Variants in MPP3 observed in about 807,000 individuals in gnomAD.
The protein encoded by MPP3 is MAGUK p55 subfamily member 3.
A neutral mutation model predicts 80.7 loss-of-function variants in MPP3; 48 were observed. The observed-to-expected ratio is 0.59, with a 90% CI of 0.47 to 0.76. MPP3 has a LOEUF of 0.76. Among genes scored for constraint, MPP3 ranks in the 30% least tolerant of loss-of-function variants. The pLI is 0.00. For synonymous variants in MPP3, 311 were observed against 297.6 expected (o/e 1.04, Z -0.46); for missense variants, 620 against 763.0 (o/e 0.81, Z 2.21).
At position 43,806,250 on chromosome 17, in the gene MPP3, C is replaced by G. The variant is rs150069786; in HGVS notation, c.1581+2706G>C. 8.8e-4 allele frequency among the ~76,000 whole-genome samples: 134 copies of G among 152,330 alleles called. 1 individual carries two copies. The highest frequency in any genetic ancestry group is 3.1e-3 in the African/African-American group (129 of 41,580). ...GTGCAATCTCAGCTCACTGAAAACT[C>G]TGCCTCCCAGGTTCAAGTGATTTTC... is the stretch of plus-strand genomic sequence containing the variant. On this transcript the variant is annotated intron_variant, in intron 19 of 19. Coordinates refer to ENST00000398389, the MANE Select transcript of MPP3 (RefSeq NM_001932.6).
intron 14 of MPP3, 82 bp from the exon 15 acceptor site, chr17:43,814,443 C>A: frequency 6.9e-7 from 1 of 1,439,340 alleles, no homozygotes; most frequent in South Asian, 1.4e-5. Context: ...TCCCACCTGG[C>A]CAGACCTGGA....
In MPP3 at chr17:43,809,041, T is replaced by C. The variant is rs773965295; in HGVS notation, c.1496A>G (p.Tyr499Cys). 1.5e-5 allele frequency: 24 copies of C among 1,605,382 alleles called. No individual in the cohort carries two copies. Among genetic ancestry groups the C allele is most frequent in the South Asian group, 2.3e-5 (2 of 88,790 alleles). Residue 499 changes from tyrosine to cysteine, a missense_variant, in exon 19 of 20, where the codon TAT becomes TGT. Coordinates refer to ENST00000398389, the MANE Select transcript of MPP3 (RefSeq NM_001932.6). ...KQLRTSEFKP[Y>C]IIFVKPAIQE... ...AATTGCAGGCTTTACAAATATAATATAGGGTTTAAATTCTGAGGTCCTCAG... is the reference window on the plus strand; with the variant it reads ...AATTGCAGGCTTTACAAATATAATACAGGGTTTAAATTCTGAGGTCCTCAG...
intron 5 of MPP3, among the ~76,000 whole-genome samples, chr17:43,830,684 C>T (rs182355240): frequency 1.3e-5 from 2 of 152,322 alleles, no homozygotes. Context: ...AAGCTGCACT[C>T]ATCCCTCCCC....
Position 43,811,305 on chromosome 17 carries a change from G to A in MPP3, c.1256-100C>T, listed in dbSNP as rs2044847091. 3.4e-6 allele frequency: 3 copies of A among 885,048 alleles called. No individual in the cohort carries two copies. In the African/African-American group the frequency reaches 4.9e-5, roughly 14 times the overall value. The allele number at this position is 885,048 out of a possible 1,614,324, so 54.8% of individuals were successfully genotyped here. A position where few individuals can be genotyped will look rare whatever the true frequency, so the allele number is the denominator to read the frequency against. On this transcript the variant is annotated intron_variant, in intron 16 of 19. Transcript: ENST00000398389. Reference sequence around the variant, plus strand: ...ACTCATTTGGGAGTTCACTGCTGCTGTGTCTAAACCAGGCACTTCCACCTC... The same window carrying A: ...ACTCATTTGGGAGTTCACTGCTGCTATGTCTAAACCAGGCACTTCCACCTC...
At chr17:43,820,605 T>TACACAC (rs61249899) in intron 11 of MPP3, among the ~76,000 whole-genome samples, 293 of 125,284 alleles carry the variant, frequency 2.3e-3, no homozygotes, top group African/African-American at 7.4e-3. Context: ...AAAAAAAAAA[T>TACACAC]ACACACACAC....
At chr17:43,829,839 G>A in intron 6 of MPP3, 48 bp from the exon 7 acceptor site, 1 of 1,611,782 alleles carries the variant, frequency 6.2e-7, no homozygotes, top group Non-Finnish European at 8.5e-7. Context: ...CGCTCACAGG[G>A]TCAGCAGGCC....
Position 43,818,058 on chromosome 17 carries a change from T to C in MPP3, c.934A>G (p.Arg312Gly), listed in dbSNP as rs1413459988. 1 of 1,584,308 alleles carries C rather than the reference T, an allele frequency of 6.3e-7. No homozygotes were observed. Among genetic ancestry groups the C allele is most frequent in the South Asian group, 1.2e-5 (1 of 86,918 alleles). The part of the protein sequence containing the change: ...AGTLPSPQSL[R>G]KPPYDQPCDK... ...ACAATCTACTCACAGGGGGGCTTCC[T>C]GAGGCTCTGGGGGCTCGGCAGGGTG... Residue 312 changes from arginine to glycine, a missense_variant, in exon 12 of 20, where the codon AGG (arginine) becomes GGG (glycine). Transcript: ENST00000398389.
Position 43,815,876 on chromosome 17 carries a change from T to A in MPP3, c.1009+162A>T, listed in dbSNP as rs931670752. 8.2e-6 allele frequency: 6 copies of A among 730,050 alleles called. No homozygotes were observed. The Admixed American group carries it at 1.1e-4, about 13-fold the overall frequency. The allele number at this position is 730,050 out of a possible 1,614,324, so 45.2% of individuals were successfully genotyped here. A position where few individuals can be genotyped will look rare whatever the true frequency, so the allele number is the denominator to read the frequency against. On this transcript the variant is annotated intron_variant, in intron 14 of 19. Transcript: ENST00000398389. ...GGCCCAATGCCTGGGCAGGCTCAGC[T>A]CCTGCTTGGGTTGAGAGAACTGAGG...
chr17:43,809,065 A>G lies in MPP3; in HGVS notation c.1472T>C (p.Leu491Pro), dbSNP rs2044736072. 1 of 1,587,108 alleles carries G rather than the reference A, an allele frequency of 6.3e-7. No individual in the cohort carries two copies. Among genetic ancestry groups the G allele is most frequent in the Non-Finnish European group, 8.5e-7 (1 of 1,173,456 alleles). The change falls in exon 19 of 20, where the codon CTG becomes CCG. Residue 491 changes from leucine (L) to proline (P), a missense_variant. Physicochemically the swap from Leu to Pro is moderately conservative, Grantham distance 98 (BLOSUM62 -3). Coordinates refer to ENST00000398389, the MANE Select transcript of MPP3 (RefSeq NM_001932.6). ...VDVEPEALKQ[L>P]RTSEFKPYII... The stretch of plus-strand genomic sequence containing the variant: ...ATAGGGTTTAAATTCTGAGGTCCTC[A>G]GTTGTTTCAGTGCCTGAGAAAGAAA...
chr17:43,802,038 GACA>G (rs762103069), intron 19 of MPP3, among the ~76,000 whole-genome samples, 161 bp from the exon 20 acceptor site: 15 of 152,294 alleles, frequency 9.8e-5, no homozygotes, highest in African/African-American at 3.1e-4. Context: ...AGAGCATAGG[GACA>G]ACATCATGTC....
rs1412573973 is a variant in MPP3, at chr17:43,810,848, T to C, written c.1417A>G (p.Met473Val). 6.2e-7 allele frequency: 1 copy of C among 1,611,880 alleles called. No homozygotes were observed. The highest frequency in any genetic ancestry group is 8.5e-7 in the Non-Finnish European group (1 of 1,179,430). The part of the protein sequence containing the change: ...GTSLEAIQAV[M>V]AKNKVCLVDV... ...ACCAAACAAACTTTGTTTTTGGCCA[T>C]AACAGCCTGAATGGCCTCCAGGCTG... Residue 473 changes from methionine to valine, a missense_variant, in exon 18 of 20, where the codon ATG becomes GTG. Physicochemically the swap from Met to Val is conservative, Grantham distance 21 (BLOSUM62 1). Coordinates refer to ENST00000398389, the MANE Select transcript of MPP3 (RefSeq NM_001932.6).
rs2045634673 is a variant in MPP3, at chr17:43,825,078, AG to A, written c.609+677del. On this transcript the variant is annotated intron_variant, in intron 9 of 19. Transcript: ENST00000398389. ...GTGAACTACTGAGCCCAGCCCAGAG[AG>A]GGCTTTAAACAGTGGGCCTCCTCTT... is the stretch of plus-strand genomic sequence containing the variant. The A allele has an allele frequency of 2.0e-5, 3 of 152,410 alleles. 1 individual carries two copies. The South Asian group carries it at 6.2e-4, about 32-fold the overall frequency. The allele number at this position is 152,410 out of a possible 1,614,324, so 9.4% of individuals were successfully genotyped here.
At chr17:43,818,141 G>T in intron 11 of MPP3, 31 bp from the exon 12 acceptor site, 1 of 1,467,438 alleles carries the variant, frequency 6.8e-7, no homozygotes, top group Non-Finnish European at 9.1e-7. Flanking sequence ...GGGCGGGCCC[G>T]TGAGCTGGGC....
chr17:43,827,669 G>C (rs1231842870), intron 8 of MPP3, 82 bp downstream of exon 8: 2 of 1,340,140 alleles, frequency 1.5e-6, no homozygotes, highest in African/African-American at 2.9e-5. Context: ...AGGGAGGTAA[G>C]GGGACCTATT....
In MPP3 at chr17:43,801,051, A is replaced by G. The variant is rs1396171254; in HGVS notation, c.*650T>C. On this transcript the variant is annotated 3_prime_UTR_variant, in exon 20 of 20. Transcript: ENST00000398389. ...GAATCTGAGGGTATTTAGAAAGGGG[A>G]AAGGCAACCTTACATTCCTCGAGTC... 6.6e-6 allele frequency: 1 copy of G among 152,264 alleles called. No individual in the cohort carries two copies. The highest frequency in any genetic ancestry group is 1.5e-5 in the Non-Finnish European group (1 of 68,094). The allele number at this position is 152,264 out of a possible 1,614,324, so 9.4% of individuals were successfully genotyped here.
In MPP3 at chr17:43,831,268, G is replaced by A. The variant is rs2045945584; in HGVS notation, c.198C>T (p.His66=). The A allele has an allele frequency of 6.2e-7, 1 of 1,614,098 alleles. No homozygotes were observed. The highest frequency in any genetic ancestry group is 8.5e-7 in the Non-Finnish European group (1 of 1,180,030). ...YERQSPTPVL[H]SAVALAEDVM... ...CGTCCTCAGCGAGGGCCACAGCGCT[G>A]TGCAGAACTGGGGTTGGACTTTGCC... The change falls in exon 5 of 20, where the codon CAC becomes CAT. Residue 66 remains histidine, a synonymous_variant. Coordinates refer to ENST00000398389, the MANE Select transcript of MPP3 (RefSeq NM_001932.6).
intron 12 of MPP3, among the ~76,000 whole-genome samples, chr17:43,817,626 G>A (rs2045209718): frequency 6.6e-6 from 1 of 152,172 alleles, no homozygotes; most frequent in Non-Finnish European, 1.5e-5. Context: ...TATTTGCCCA[G>A]TCTGGCAATC....
At chr17:43,821,452 G>A (rs79800279) in intron 10 of MPP3, among the ~76,000 whole-genome samples, 6,802 of 152,272 alleles carry the variant, frequency 0.045, 478 homozygotes, top group African/African-American at 0.15. Context: ...CGCCAACTGC[G>A]CTGACGGAAG....
At chr17:43,811,040 G>T in intron 17 of MPP3, 72 bp downstream of exon 17, 1 of 1,483,208 alleles carries the variant, frequency 6.7e-7, no homozygotes, top group Non-Finnish European at 9.4e-7. Flanking sequence ...GTCCTCCCAG[G>T]AGCTCTAGTG....
Sources: gnomAD v4.1 joint callset for allele counts (sites outside exome capture counted in the v4.1 genomes callset) on GRCh38, gnomAD v4.1.1 for gene constraint, MANE v1.5 for transcripts, NCBI Gene and HGNC (gene_info 2026-07-23, HGNC 2026-07-21) for gene names.